Variants in RAPGEF2 observed in about 807,000 individuals in gnomAD.
RAPGEF2 encodes PDZ domain containing guanine nucleotide exchange factor (GEF) 1.
A neutral mutation model predicts 186.7 loss-of-function variants in RAPGEF2; 54 were observed. That is an observed-to-expected ratio of 0.29 (90% CI 0.23 to 0.36). The LOEUF (loss-of-function observed/expected upper bound fraction) is 0.36. Among genes scored for constraint, RAPGEF2 ranks in the 10% least tolerant of loss-of-function variants. The probability of loss-of-function intolerance (pLI) is 1.00; values close to 1 mark genes in which losing one functional copy is unlikely to be tolerated. For synonymous variants in RAPGEF2, 712 were observed against 705.9 expected (o/e 1.01, Z -0.14); for missense variants, 1,532 against 2,045.0 (o/e 0.75, Z 4.84).
At chr4:159,193,482 C>T (rs1748325857) in intron 3 of RAPGEF2, among the ~76,000 whole-genome samples, 1 of 152,086 alleles carries the variant, frequency 6.6e-6, no homozygotes. Context: ...ACATGTGGGT[C>T]AAAGATACTA....
chr4:159,174,123 T>G (rs939216266), intron 1 of RAPGEF2, among the ~76,000 whole-genome samples: 1 of 152,240 alleles, frequency 6.6e-6, no homozygotes, highest in African/African-American at 2.4e-5. Context: ...AAAACTAAAT[T>G]GTTGCTTCTT....
intron 22 of RAPGEF2, 58 bp downstream of exon 22, chr4:159,343,462 T>C: frequency 6.3e-7 from 1 of 1,575,660 alleles, no homozygotes; most frequent in Non-Finnish European, 8.6e-7. Flanking sequence ...ATTTAGAGCT[T>C]CCCAATAAAT....
intron 17 of RAPGEF2, 174 bp downstream of exon 17, chr4:159,332,871 CTTATT>C (rs1445410172): frequency 1.5e-5 from 9 of 616,458 alleles, no homozygotes; most frequent in Admixed American, 3.6e-5. Flanking sequence ...GTTTTTGCCA[CTTATT>C]TGGCTACTCC....
At chr4:159,307,835 G>A (rs1187536345) in intron 8 of RAPGEF2, among the ~76,000 whole-genome samples, 1 of 152,132 alleles carries the variant, frequency 6.6e-6, no homozygotes, top group African/African-American at 2.4e-5. Context: ...GCCAGGTGTA[G>A]TGGTGCATGC....
chr4:159,271,097 G>A (rs1230938827), intron 7 of RAPGEF2, among the ~76,000 whole-genome samples: 2 of 152,136 alleles, frequency 1.3e-5, no homozygotes, highest in Non-Finnish European at 2.9e-5. Flanking sequence ...GGCTCATTAA[G>A]TTAGGGAAAT....
In RAPGEF2 at chr4:159,257,854, C is replaced by T. The variant is rs192690559; in HGVS notation, c.543+14063C>T. Among the ~76,000 whole-genome samples, 859 of 152,232 alleles carry T rather than the reference C, an allele frequency of 5.6e-3. 5 individuals are homozygous for T. The highest frequency in any genetic ancestry group is 9.3e-3 in the Non-Finnish European group (635 of 68,008). ...CTTGTATAATTTGAAGTCAGGGTAG[C>T]ATGATGCCTCCAGCTTTGTTCTTTT... On this transcript the variant is annotated intron_variant, in intron 7 of 29. Coordinates refer to ENST00000691494, the MANE Select transcript of RAPGEF2 (RefSeq NM_001394067.2).
intron 3 of RAPGEF2, among the ~76,000 whole-genome samples, chr4:159,210,173 T>A (rs564301924): frequency 3.0e-4 from 46 of 152,316 alleles, no homozygotes; most frequent in South Asian, 1.4e-3. Context: ...CACTGATAGC[T>A]CTGGGTATTT....
intron 7 of RAPGEF2, among the ~76,000 whole-genome samples, chr4:159,291,121 G>A (rs1447511527): frequency 6.6e-6 from 1 of 152,118 alleles, no homozygotes; most frequent in African/African-American, 2.4e-5. Flanking sequence ...AAAGATTATT[G>A]TCTAGCTCAG....
chr4:159,358,051 C>G (rs759024101), intron 29 of RAPGEF2, 63 bp from the exon 30 acceptor site: 21 of 1,517,604 alleles, frequency 1.4e-5, no homozygotes, highest in Non-Finnish European at 1.8e-5. Context: ...AATATATTCT[C>G]TATAGCACAA....
At chr4:159,167,009 T>C (rs531531404) in intron 1 of RAPGEF2, among the ~76,000 whole-genome samples, 1 of 152,236 alleles carries the variant, frequency 6.6e-6, no homozygotes, top group African/African-American at 2.4e-5. Flanking sequence ...CTTGGGGTCC[T>C]TTAATTGGTT....
chr4:159,117,963 G>GT (rs958594461), intron 1 of RAPGEF2, among the ~76,000 whole-genome samples: 89 of 149,364 alleles, frequency 6.0e-4, no homozygotes, highest in South Asian at 8.5e-4. Flanking sequence ...GCTATATTAT[G>GT]TTTTTTTTTT....
intron 1 of RAPGEF2, among the ~76,000 whole-genome samples, chr4:159,121,401 C>A (rs550934499): frequency 6.6e-6 from 1 of 150,964 alleles, no homozygotes; most frequent in South Asian, 2.1e-4. Context: ...CTTCCTCTGT[C>A]TGTTGCCCAG....
chr4:159,314,602 C>G lies in RAPGEF2; in HGVS notation c.687C>G (p.Ser229Arg). 6.2e-7 allele frequency: 1 copy of G among 1,608,336 alleles called. No individual in the cohort carries two copies. The highest frequency in any genetic ancestry group is 1.1e-5 in the South Asian group (1 of 89,944). ...GTGTGTGTCTTAAGGCCACAGAAAG[C>G]GAGGCTGGTGATATGGACCTGAGTG... ...SLSDIYQATE[S>R]EAGDMDLSGL... Residue 229 changes from serine to arginine, a missense_variant, in exon 9 of 30, where the codon AGC becomes AGG. Around this residue, in one of 4 missense-constraint regions of RAPGEF2, gnomAD observed 810 missense variants for 1,210.5 expected, o/e 0.67. Coordinates refer to ENST00000691494, the MANE Select transcript of RAPGEF2 (RefSeq NM_001394067.2).
At chr4:159,296,889 A>G (rs966045075) in intron 7 of RAPGEF2, among the ~76,000 whole-genome samples, 20 of 152,216 alleles carry the variant, frequency 1.3e-4, no homozygotes, top group Non-Finnish European at 2.9e-4. Flanking sequence ...ATTCAATGGA[A>G]AAACCCTCCT....
intron 7 of RAPGEF2, among the ~76,000 whole-genome samples, chr4:159,273,626 G>GTTTTTC (rs778233990): frequency 3.9e-4 from 39 of 100,832 alleles, no homozygotes; most frequent in East Asian, 2.3e-3. Context: ...TCAGTAATCA[G>GTTTTTC]TTTCTTTCTT....
chr4:159,294,699 C>T lies in RAPGEF2; in HGVS notation c.544-9643C>T, dbSNP rs370383847. On this transcript the variant is annotated intron_variant, in intron 7 of 29. Coordinates refer to ENST00000691494, the MANE Select transcript of RAPGEF2 (RefSeq NM_001394067.2). ...CCTTCCTTCCTTCCTTCTTTCCGTC[C>T]GTCTGTCCGTCCTTCCATCCTTTCC... Among the ~76,000 whole-genome samples the T allele has an allele frequency of 1.8e-4, 25 of 142,148 alleles. No individual in the cohort carries two copies. In the East Asian group the frequency reaches 2.0e-3, roughly 11 times the overall value. The allele number at this position is 142,148 out of a possible 152,430, so 93.3% of individuals were successfully genotyped here.
At position 159,350,239 on chromosome 4, in the gene RAPGEF2, C is replaced by G. The variant is rs1730981065; in HGVS notation, c.3815C>G (p.Ser1272Cys). Residue 1272 changes from serine to cysteine, a missense_variant, in exon 26 of 30, where the codon TCT (serine) becomes TGT (cysteine). Transcript: ENST00000691494. ...GCTGAAGATACAATATCAAATGCAT[C>G]TTCGCAGCTTTCTTCTCCTCCTACT... ...KQAEDTISNA[S>C]SQLSSPPTSP... 6.2e-7 allele frequency: 1 copy of G among 1,600,440 alleles called. No individual in the cohort carries two copies. The highest frequency in any genetic ancestry group is 8.5e-7 in the Non-Finnish European group (1 of 1,173,582).
At position 159,330,644 on chromosome 4, in the gene RAPGEF2, CA is replaced by C. The variant is rs200543450; in HGVS notation, c.1467+155del. ...TCTGAAGCAAAAAAAAACAAAAAAA[CA>C]AAAAAAAAGGTGATACAAAATATTA... On this transcript the variant is annotated intron_variant, in intron 13 of 29. Transcript: ENST00000691494. 658 of 570,170 alleles carry C rather than the reference CA, an allele frequency of 1.2e-3. 4 individuals are homozygous for C. Among genetic ancestry groups the C allele is most frequent in the East Asian group, 6.4e-3 (180 of 28,172 alleles). 35.3% of individuals were successfully genotyped at this position (570,170 alleles called of 1,614,324 possible).
intron 7 of RAPGEF2, among the ~76,000 whole-genome samples, chr4:159,283,428 C>T (rs1760000843): frequency 6.6e-6 from 1 of 151,982 alleles, no homozygotes; most frequent in Non-Finnish European, 1.5e-5. Context: ...GTGAAGCATC[C>T]AGGATTTAAA....
Sources: allele counts gnomAD v4.1 joint callset (sites outside exome capture counted in the v4.1 genomes callset), GRCh38; gene constraint gnomAD v4.1.1; regional missense constraint gnomAD v4.1.1; transcripts MANE v1.5; gene names NCBI Gene and HGNC (gene_info 2026-07-23, HGNC 2026-07-21).